The following GLCE variants were observed in gnomAD, a reference collection of about 807,000 sequenced individuals.
GLCE encodes the protein glucuronic acid epimerase.
In GLCE, 19 loss-of-function variants were observed where a neutral mutation model predicts 47.9. The observed-to-expected ratio is 0.40, with a 90% confidence interval of 0.28 to 0.58. The LOEUF (loss-of-function observed/expected upper bound fraction) is 0.58, where lower values mean the gene tolerates loss of function less well. Among genes scored for constraint, GLCE ranks in the 20% least tolerant of loss-of-function variants. GLCE has a pLI of 0.48. For synonymous variants in GLCE, 245 were observed against 263.4 expected, an observed-to-expected ratio of 0.93 and a Z score of 0.68; for missense variants, 556 against 743.3, an observed-to-expected ratio of 0.75 and a Z score of 2.93.
At chr15:69,266,930 A>C (rs1356204118) in intron 4 of GLCE, 1 of 152,424 alleles carries the variant, frequency 6.6e-6, no homozygotes, top group Non-Finnish European at 1.5e-5. Context: ...CAGCTTCAGA[A>C]GATTAAGTAT....
chr15:69,206,070 C>T (rs1488767769), intron 1 of GLCE, among the ~76,000 whole-genome samples: 11 of 152,044 alleles, frequency 7.2e-5, no homozygotes, highest in Non-Finnish European at 7.4e-5. Context: ...TCCAGTATTA[C>T]ATGTTACATT....
chr15:69,172,308 G>A (rs2051600739), intron 1 of GLCE, among the ~76,000 whole-genome samples: 1 of 152,192 alleles, frequency 6.6e-6, no homozygotes, highest in South Asian at 2.1e-4. Flanking sequence ...CGTGTTGTCG[G>A]TACTTAACAA....
chr15:69,169,385 AC>A (rs548782718), intron 1 of GLCE, among the ~76,000 whole-genome samples: 9 of 152,124 alleles, frequency 5.9e-5, no homozygotes, highest in Non-Finnish European at 1.3e-4. Flanking sequence ...ATATATATAC[AC>A]ACATATACAC....
chr15:69,240,283 CAAAAAAAAAAA>C (rs545688611), intron 2 of GLCE, among the ~76,000 whole-genome samples: 4 of 18,416 alleles, frequency 2.2e-4, no homozygotes, highest in African/African-American at 3.5e-4. Flanking sequence ...GACTCCGTCT[CAAAAAAAAAAA>C]AAAAAAAAAA....
chr15:69,215,199 T>G (rs1055685167), intron 2 of GLCE, among the ~76,000 whole-genome samples: 2 of 152,064 alleles, frequency 1.3e-5, no homozygotes, highest in African/African-American at 4.8e-5. Flanking sequence ...GCACCCCCAA[T>G]TTTTTTGTGC....
intron 2 of GLCE, among the ~76,000 whole-genome samples, chr15:69,216,650 A>G (rs562751215): frequency 6.6e-6 from 1 of 152,212 alleles, no homozygotes; most frequent in South Asian, 2.1e-4. Context: ...GCTGTATAAC[A>G]AATAGAAAGT....
chr15:69,228,791 A>G (rs558337245), intron 2 of GLCE, among the ~76,000 whole-genome samples: 3 of 152,156 alleles, frequency 2.0e-5, no homozygotes, highest in South Asian at 2.1e-4. Flanking sequence ...GGCTCAAGCA[A>G]TCCTCCCACC....
intron 1 of GLCE, among the ~76,000 whole-genome samples, chr15:69,186,997 CT>C (rs2051833735): frequency 6.6e-6 from 1 of 152,068 alleles, no homozygotes; most frequent in Non-Finnish European, 1.5e-5. Context: ...AAGAGCAAGA[CT>C]TCATATTTGG....
chr15:69,243,619 T>C (rs11629932), intron 2 of GLCE, among the ~76,000 whole-genome samples: 70,176 of 151,046 alleles, frequency 0.46, 19,591 homozygotes, highest in Middle Eastern at 0.62. Context: ...CAAATAGATT[T>C]GACCTTTGCT....
intron 1 of GLCE, among the ~76,000 whole-genome samples, chr15:69,179,120 C>T (rs960419324): frequency 6.6e-6 from 1 of 152,050 alleles, no homozygotes; most frequent in African/African-American, 2.4e-5. Flanking sequence ...ATAGACTTTT[C>T]TAGAAGGATA....
In GLCE at chr15:69,167,980, T is replaced by G. The variant is rs184326204; in HGVS notation, c.-105+7223T>G. 1.3e-3 allele frequency among the ~76,000 whole-genome samples: 200 copies of G among 152,300 alleles called. 1 individual carries two copies. Among genetic ancestry groups the G allele is most frequent in the African/African-American group, 4.7e-3 (196 of 41,560 alleles). ...CTTCCTTCAGGTCTTAATTAAAGTA[T>G]TATCCTTTATCTGAGAACTTTACTG... On this transcript the variant is annotated intron_variant, in intron 1 of 4. Transcript: ENST00000261858.
At chr15:69,247,513 A>G (rs2052769749) in intron 2 of GLCE, among the ~76,000 whole-genome samples, 1 of 152,168 alleles carries the variant, frequency 6.6e-6, no homozygotes, top group African/African-American at 2.4e-5. Context: ...TCATGTGTTC[A>G]CTGGAATAGC....
At chr15:69,220,801 C>CT (rs1432996872) in intron 2 of GLCE, among the ~76,000 whole-genome samples, 3 of 152,104 alleles carry the variant, frequency 2.0e-5, no homozygotes, top group Non-Finnish European at 4.4e-5. Context: ...TCCAAATTGT[C>CT]TATTTTCTCT....
intron 4 of GLCE, among the ~76,000 whole-genome samples, chr15:69,263,873 T>C (rs1165401023): frequency 2.0e-5 from 3 of 151,968 alleles, no homozygotes; most frequent in Non-Finnish European, 2.9e-5. Flanking sequence ...AGGCTTTTTT[T>C]CCCAGCTTTA....
At chr15:69,225,955 A>C (rs1008260076) in intron 2 of GLCE, among the ~76,000 whole-genome samples, 1 of 152,156 alleles carries the variant, frequency 6.6e-6, no homozygotes, top group Non-Finnish European at 1.5e-5. Context: ...CCAGTGTTAC[A>C]TATATGACGT....
chr15:69,255,801 CT>C lies in GLCE; in HGVS notation c.-5del. ...TTCTTCTTGCCTCCATAGGTATGGTCTGAATATGCGTTGCTTGGCAGCTCGG... is the reference window on the plus strand; with the variant it reads ...TTCTTCTTGCCTCCATAGGTATGGTCGAATATGCGTTGCTTGGCAGCTCGG... On this transcript the variant is annotated 5_prime_UTR_variant, in exon 3 of 5. The change abolishes the stop of an existing upstream ORF in the 5' untranslated region. Coordinates refer to ENST00000261858, the MANE Select transcript of GLCE (RefSeq NM_015554.3). 6.3e-7 allele frequency: 1 copy of C among 1,588,534 alleles called. No individual in the cohort carries two copies.
At chr15:69,201,592 C>T (rs576463362) in intron 1 of GLCE, among the ~76,000 whole-genome samples, 1 of 148,898 alleles carries the variant, frequency 6.7e-6, no homozygotes, top group East Asian at 2.0e-4. Flanking sequence ...TTGGCCCTTT[C>T]CTCATCCCAT....
At position 69,229,715 on chromosome 15, in the gene GLCE, G is replaced by GA. The variant is rs1002987015; in HGVS notation, c.-14+19318dup. ...ATTACTTACCCAACAATGACAAAAAGAAAAAAAAATGACAAAGATGAGACA... is the reference window on the plus strand; with the variant it reads ...ATTACTTACCCAACAATGACAAAAAGAAAAAAAAAATGACAAAGATGAGACA... On this transcript the variant is annotated intron_variant, in intron 2 of 4. Coordinates refer to ENST00000261858, the MANE Select transcript of GLCE (RefSeq NM_015554.3). 2.5e-4 allele frequency among the ~76,000 whole-genome samples: 36 copies of GA among 144,142 alleles called. 1 individual carries two copies. The South Asian group carries it at 6.4e-3, about 26-fold the overall frequency. 94.6% of individuals were successfully genotyped at this position (144,142 alleles called of 152,430 possible).
At chr15:69,169,359 A>G (rs147678792) in intron 1 of GLCE, among the ~76,000 whole-genome samples, 178 of 152,316 alleles carry the variant, frequency 1.2e-3, no homozygotes, top group Non-Finnish European at 1.9e-3. Context: ...TTAAATATAT[A>G]ATAAAACATA....
Sources: gnomAD v4.1 joint callset for allele counts (sites outside exome capture counted in the v4.1 genomes callset) on GRCh38, gnomAD v4.1.1 for gene constraint, MANE v1.5 for transcripts, NCBI Gene and HGNC (gene_info 2026-07-23, HGNC 2026-07-21) for gene names.